Variants in TBC1D5 observed in about 807,000 individuals in gnomAD.
TBC1D5 encodes the protein TBC1 domain family member 5.
A neutral mutation model predicts 100.3 loss-of-function variants in TBC1D5; 75 were observed. The observed-to-expected ratio is 0.75, with a 90% CI of 0.62 to 0.91. TBC1D5 has a LOEUF of 0.91. Ranked by LOEUF, TBC1D5 falls within the 40% of genes least tolerant of loss-of-function variation. The pLI, the probability that TBC1D5 is intolerant of heterozygous loss-of-function variation, is 0.00. For synonymous variants in TBC1D5, 323 were observed against 325.6 expected (o/e 0.99, Z 0.09); for missense variants, 910 against 942.4 (o/e 0.97, Z 0.45).
chr3:17,444,418 T>G (rs1430595594), intron 3 of TBC1D5, among the ~76,000 whole-genome samples: 3 of 152,100 alleles, frequency 2.0e-5, no homozygotes, highest in African/African-American at 2.4e-5. Context: ...TTCTCCCATG[T>G]TATTTAAAAA....
intron 8 of TBC1D5, among the ~76,000 whole-genome samples, chr3:17,385,197 C>A (rs1176480271): frequency 2.0e-5 from 3 of 151,944 alleles, no homozygotes; most frequent in African/African-American, 7.2e-5. Flanking sequence ...CGGTGCCTAA[C>A]AAGTAGCAGA....
chr3:17,309,936 C>A (rs2083821150), intron 13 of TBC1D5, among the ~76,000 whole-genome samples: 1 of 152,062 alleles, frequency 6.6e-6, no homozygotes, highest in African/African-American at 2.4e-5. Context: ...CACAACTTTC[C>A]TCCATCAATG....
chr3:17,342,100 T>C (rs931403568), intron 13 of TBC1D5, among the ~76,000 whole-genome samples: 6 of 152,220 alleles, frequency 3.9e-5, no homozygotes, highest in Non-Finnish European at 8.8e-5. Flanking sequence ...ATATGACCAA[T>C]TCTGTCCCAC....
chr3:17,672,862 G>C (rs182793866), intron 1 of TBC1D5, among the ~76,000 whole-genome samples: 1 of 152,016 alleles, frequency 6.6e-6, no homozygotes, highest in African/African-American at 2.4e-5. Flanking sequence ...GAGCCCTACA[G>C]AGCTCCATGA....
chr3:17,386,817 T>G (rs929062777), intron 8 of TBC1D5, among the ~76,000 whole-genome samples: 3 of 152,100 alleles, frequency 2.0e-5, no homozygotes, highest in Non-Finnish European at 4.4e-5. Context: ...TCGGCTGAAG[T>G]TTTTCTTTTA....
At chr3:17,699,453 T>A (rs1330436014) in intron 1 of TBC1D5, among the ~76,000 whole-genome samples, 1 of 134,658 alleles carries the variant, frequency 7.4e-6, no homozygotes, top group Non-Finnish European at 1.6e-5. Flanking sequence ...AGATGACGAG[T>A]TAGTGGGTGC....
chr3:17,263,101 T>C (rs2078483556), intron 15 of TBC1D5, among the ~76,000 whole-genome samples: 1 of 150,450 alleles, frequency 6.6e-6, no homozygotes, highest in Non-Finnish European at 1.5e-5. Flanking sequence ...TGGTGGTACA[T>C]GCTGCTGAGG....
At chr3:17,540,297 T>C (rs1361890796) in intron 2 of TBC1D5, among the ~76,000 whole-genome samples, 2 of 152,164 alleles carry the variant, frequency 1.3e-5, no homozygotes, top group African/African-American at 4.8e-5. Flanking sequence ...TTCACCCTAT[T>C]TATTGACAGT....
chr3:17,377,654 T>C (rs1227447985), intron 9 of TBC1D5, among the ~76,000 whole-genome samples: 1 of 151,996 alleles, frequency 6.6e-6, no homozygotes. Flanking sequence ...AGACTTCCTA[T>C]AATGGATGAA....
intron 2 of TBC1D5, among the ~76,000 whole-genome samples, chr3:17,598,581 T>C (rs2060726161): frequency 6.6e-6 from 1 of 152,198 alleles, no homozygotes; most frequent in South Asian, 2.1e-4. Context: ...ATACACACTG[T>C]AATCCATTTT....
chr3:17,597,221 G>C (rs2060631140), intron 2 of TBC1D5, among the ~76,000 whole-genome samples: 1 of 152,072 alleles, frequency 6.6e-6, no homozygotes. Flanking sequence ...CCGTGCTAGG[G>C]AATAAAAGGC....
At chr3:17,649,631 A>G (rs539487914) in intron 1 of TBC1D5, among the ~76,000 whole-genome samples, 12 of 152,302 alleles carry the variant, frequency 7.9e-5, no homozygotes, top group African/African-American at 2.6e-4. Flanking sequence ...ATCATTAAAA[A>G]GTCAGGAAAC....
chr3:17,608,812 T>A (rs2061499343), intron 2 of TBC1D5, among the ~76,000 whole-genome samples: 1 of 152,172 alleles, frequency 6.6e-6, no homozygotes, highest in Admixed American at 6.5e-5. Context: ...ATATATCCAA[T>A]ATATCCTGTT....
rs77716322 is a variant in TBC1D5 at position 17,161,866 on chromosome 3, G to A, written c.2095-610C>T. On this transcript the variant is annotated intron_variant, in intron 21 of 21. Coordinates refer to ENST00000253692, the Ensembl canonical transcript of TBC1D5. ...CTAGCTCATCTTGGGTATGCACACA[G>A]GGGTCTCCTGGAGCAATGGTGGTAA... 1.6e-3 allele frequency among the ~76,000 whole-genome samples: 241 copies of A among 152,310 alleles called. 2 individuals carry two copies. The East Asian group carries it at 0.034, about 22-fold the overall frequency.
chr3:17,348,011 A>G (rs2090123529), intron 13 of TBC1D5, among the ~76,000 whole-genome samples: 2 of 149,938 alleles, frequency 1.3e-5, no homozygotes, highest in Admixed American at 1.3e-4. Context: ...TCTACAACAT[A>G]AAAAGTCGTC....
chr3:17,271,165 T>C lies in TBC1D5; in HGVS notation c.1246-12574A>G, dbSNP rs73143775. ...AACTCTGAAAAATGGAATTGGGAAT[T>C]TGATAGAAATAGCAGTTTTGAATCT... On this transcript the variant is annotated intron_variant, in intron 15 of 21. Coordinates refer to ENST00000253692, the Ensembl canonical transcript of TBC1D5. 8.8e-3 allele frequency among the ~76,000 whole-genome samples: 1,347 copies of C among 152,308 alleles called. 25 individuals carry two copies. The highest frequency in any genetic ancestry group is 0.031 in the African/African-American group (1,271 of 41,580).
intron 12 of TBC1D5, among the ~76,000 whole-genome samples, chr3:17,372,581 T>C (rs1464117069): frequency 2.6e-5 from 4 of 152,178 alleles, no homozygotes; most frequent in Non-Finnish European, 5.9e-5. Context: ...GTAATATCAA[T>C]ACAATTAGGT....
chr3:17,300,010 T>C (rs1029711547), intron 14 of TBC1D5, among the ~76,000 whole-genome samples: 8 of 151,982 alleles, frequency 5.3e-5, no homozygotes, highest in South Asian at 4.1e-4. Flanking sequence ...AAAATCCAAT[T>C]CAATAATTCA....
chr3:17,485,583 C>T (rs898367170), intron 3 of TBC1D5, among the ~76,000 whole-genome samples: 1 of 148,928 alleles, frequency 6.7e-6, no homozygotes, highest in Non-Finnish European at 1.5e-5. Context: ...TGAGTGAGAA[C>T]ATGCGGTGTT....
Sources: allele counts gnomAD v4.1 joint callset (sites outside exome capture counted in the v4.1 genomes callset), GRCh38; gene constraint gnomAD v4.1.1; transcripts MANE v1.5; gene names NCBI Gene and HGNC (gene_info 2026-07-23, HGNC 2026-07-21).